The following DLC1 variants were observed in gnomAD, a reference collection of about 807,000 sequenced individuals.
The protein encoded by DLC1 is DLC1 Rho GTPase activating protein, also known as rho GTPase-activating protein 7.
A neutral mutation model predicts 140.3 loss-of-function variants in DLC1; 54 were observed. The observed-to-expected ratio is 0.38, with a 90% CI of 0.31 to 0.48. The LOEUF is 0.48. Ranked by LOEUF, DLC1 falls within the 20% of genes least tolerant of loss-of-function variation. The pLI is 0.96. For missense variants in DLC1, 2,536 were observed against 1,907.0 expected (o/e 1.33, Z -6.14); for synonymous variants, 986 against 728.1 (o/e 1.35, Z -5.70).
intron 5 of DLC1, among the ~76,000 whole-genome samples, chr8:13,255,444 C>T (rs1303078220): frequency 3.9e-5 from 6 of 152,148 alleles, no homozygotes; most frequent in Non-Finnish European, 4.4e-5. Context: ...AGGGATAAGT[C>T]TTGCCCATCT....
chr8:13,579,953 A>T (rs1805024537), intron 1 of DLC1, among the ~76,000 whole-genome samples: 3 of 151,940 alleles, frequency 2.0e-5, no homozygotes, highest in Non-Finnish European at 4.4e-5. Context: ...GATAGGAGTT[A>T]TTCCTCTTAG....
chr8:13,524,776 T>A (rs1303170355), intron 1 of DLC1, among the ~76,000 whole-genome samples: 1 of 152,154 alleles, frequency 6.6e-6, no homozygotes, highest in African/African-American at 2.4e-5. Context: ...TCATCTCTCA[T>A]TTCTTCCAGA....
At chr8:13,581,065 A>G (rs1284261228) in intron 1 of DLC1, among the ~76,000 whole-genome samples, 2 of 152,208 alleles carry the variant, frequency 1.3e-5, no homozygotes, top group Non-Finnish European at 2.9e-5. Context: ...GTCAAACATC[A>G]AAAATGGAGT....
At chr8:13,089,358 T>C (rs1021325145) in intron 15 of DLC1, among the ~76,000 whole-genome samples, 1 of 151,866 alleles carries the variant, frequency 6.6e-6, no homozygotes, top group East Asian at 1.9e-4. Context: ...CAGGGCATGG[T>C]GGCTCACGCC....
intron 5 of DLC1, among the ~76,000 whole-genome samples, chr8:13,176,178 G>A (rs1441083591): frequency 6.6e-6 from 1 of 152,106 alleles, no homozygotes; most frequent in Non-Finnish European, 1.5e-5. Flanking sequence ...GGATTCTAAA[G>A]CAAATTTTTA....
rs567589116 is a variant in DLC1 at position 13,588,441 on chromosome 8, G to T, written c.-126+16096C>A. 3.9e-5 allele frequency among the ~76,000 whole-genome samples: 6 copies of T among 152,116 alleles called. No individual in the cohort carries two copies. In the South Asian group the frequency reaches 1.0e-3, roughly 26 times the overall value. On this transcript the variant is annotated intron_variant, in intron 1 of 1. Coordinates refer to the DLC1 transcript ENST00000631382. ...TTGAGAGCCAGAGAAAGAGAGCAGA[G>T]ACCCGATAAAAACTTAGGAGGCAGC...
At position 13,579,321 on chromosome 8, in the gene DLC1, A is replaced by T. The variant is rs1466904869; in HGVS notation, c.-126+25216T>A. On this transcript the variant is annotated intron_variant, in intron 1 of 1. Coordinates refer to the DLC1 transcript ENST00000631382. ...AGATACCACAGGTCTGACTTTATAT[A>T]TATATATATATATATATATATATAT... Among the ~76,000 whole-genome samples the T allele has an allele frequency of 4.8e-3, 21 of 4,336 alleles. 2 individuals are homozygous for T. The highest frequency in any genetic ancestry group is 6.8e-3 in the Non-Finnish European group (16 of 2,362). 2.8% of individuals were successfully genotyped at this position (4,336 alleles called of 152,430 possible). A position where few individuals can be genotyped will look rare whatever the true frequency, so the allele number is the denominator to read the frequency against.
chr8:13,151,786 G>A (rs1823833968), intron 5 of DLC1, among the ~76,000 whole-genome samples: 2 of 152,130 alleles, frequency 1.3e-5, no homozygotes, highest in South Asian at 4.1e-4. Flanking sequence ...AAGGACAGGG[G>A]TTGGGGAAAG....
At chr8:13,351,115 C>T (rs570335047) in intron 4 of DLC1, among the ~76,000 whole-genome samples, 109 of 152,250 alleles carry the variant, frequency 7.2e-4, no homozygotes, top group African/African-American at 2.5e-3. Context: ...TGTAAATTGG[C>T]TTCAAAATTC....
At chr8:13,413,452 C>T (rs1278594704) in intron 2 of DLC1, among the ~76,000 whole-genome samples, 1 of 150,892 alleles carries the variant, frequency 6.6e-6, no homozygotes, top group Non-Finnish European at 1.5e-5. Context: ...AGCACACATA[C>T]AGACACATCC....
At chr8:13,598,073 C>A (rs1466375191) in intron 1 of DLC1, among the ~76,000 whole-genome samples, 4 of 151,420 alleles carry the variant, frequency 2.6e-5, no homozygotes. Flanking sequence ...CACTAGGCTT[C>A]AGTTTTCTCA....
chr8:13,555,317 C>A (rs79672662), intron 1 of DLC1, among the ~76,000 whole-genome samples: 5 of 151,914 alleles, frequency 3.3e-5, no homozygotes, highest in Admixed American at 2.0e-4. Flanking sequence ...TGAGGACAGC[C>A]TTTCTTGTAT....
upstream of DLC1, chr8:13,515,556 C>A (rs1563414677): frequency 6.6e-6 from 1 of 152,206 alleles, no homozygotes; most frequent in Admixed American, 6.5e-5. Context: ...TAAACACTTA[C>A]AACTGCTTCC....
Position 13,452,636 on chromosome 8 carries a change from T to C in DLC1, c.1023+46413A>G, listed in dbSNP as rs187533619. Among the ~76,000 whole-genome samples the C allele has an allele frequency of 2.3e-3, 344 of 152,290 alleles. 2 individuals carry two copies. Among genetic ancestry groups the C allele is most frequent in the African/African-American group, 8.1e-3 (336 of 41,570 alleles). On this transcript the variant is annotated intron_variant, in intron 2 of 17. Transcript: ENST00000276297. ...AGTACATTATGATGATCTCAGATGG[T>C]CTTAGAATTAAAATATGTTTTTGCT... is the stretch of plus-strand genomic sequence containing the variant.
intron 1 of DLC1, among the ~76,000 whole-genome samples, chr8:13,562,288 A>G (rs1449543937): frequency 6.6e-6 from 1 of 152,176 alleles, no homozygotes; most frequent in African/African-American, 2.4e-5. Flanking sequence ...AGACAAATAG[A>G]CAAACTGAGA....
chr8:13,251,528 C>G (rs567111063), intron 5 of DLC1, among the ~76,000 whole-genome samples: 43 of 152,200 alleles, frequency 2.8e-4, no homozygotes, highest in Non-Finnish European at 5.6e-4. Flanking sequence ...CAACTTTCCA[C>G]CTCTTTTACA....
chr8:13,506,200 T>C (rs558558155), intron 1 of DLC1, among the ~76,000 whole-genome samples: 6 of 152,240 alleles, frequency 3.9e-5, no homozygotes, highest in African/African-American at 9.6e-5. Context: ...TACAAATACA[T>C]GCACACATAA....
chr8:13,489,971 A>G (rs532745435), intron 2 of DLC1, among the ~76,000 whole-genome samples: 1 of 152,150 alleles, frequency 6.6e-6, no homozygotes, highest in Non-Finnish European at 1.5e-5. Context: ...CATTTTACTT[A>G]ATGTTCCTAA....
Position 13,200,986 on chromosome 8 carries a change from C to A in DLC1, c.1349-85329G>T, listed in dbSNP as rs1176961648. Among the ~76,000 whole-genome samples, 5 of 152,046 alleles carry A rather than the reference C, an allele frequency of 3.3e-5. No individual in the cohort carries two copies. The East Asian group carries it at 9.6e-4, about 29-fold the overall frequency. ...CTCAACTATAATTACAGAACACACA[C>A]AAAAAATGGAGTTGATTCAGATTAC... is the stretch of plus-strand genomic sequence containing the variant. On this transcript the variant is annotated intron_variant, in intron 5 of 17. Coordinates refer to ENST00000276297, the MANE Select transcript of DLC1 (RefSeq NM_182643.3).
Sources: gnomAD v4.1 joint callset for allele counts (sites outside exome capture counted in the v4.1 genomes callset) on GRCh38, gnomAD v4.1.1 for gene constraint, MANE v1.5 for transcripts, NCBI Gene and HGNC (gene_info 2026-07-23, HGNC 2026-07-21) for gene names.